NCOR1: variants seen among roughly 807,000 people sequenced by gnomAD.
NCOR1 encodes nuclear receptor corepressor 1.
Under a neutral mutation model 288.1 loss-of-function variants are expected in NCOR1, and 63 were observed. That is an observed-to-expected ratio of 0.22 (90% CI 0.18 to 0.27). The LOEUF (loss-of-function observed/expected upper bound fraction) is 0.27. Among genes scored for constraint, NCOR1 ranks in the 10% least tolerant of loss-of-function variants. NCOR1 has a pLI of 1.00. For missense variants in NCOR1, 2,397 were observed against 3,019.2 expected (o/e 0.79, Z 4.83); for synonymous variants, 1,007 against 1,065.9 (o/e 0.94, Z 1.08).
At position 16,117,803 on chromosome 17, in the gene NCOR1, T is replaced by C. The variant is rs144156504; in HGVS notation, c.2055+85A>G. The C allele has an allele frequency of 4.8e-5, 69 of 1,424,662 alleles. No individual in the cohort carries two copies. The Admixed American group carries it at 5.9e-4, about 12-fold the overall frequency. 88.3% of individuals were successfully genotyped at this position (1,424,662 alleles called of 1,614,324 possible). A position where few individuals can be genotyped will look rare whatever the true frequency, so the allele number is the denominator to read the frequency against. On this transcript the variant is annotated intron_variant, in intron 18 of 45. Transcript: ENST00000268712. Reference sequence around the variant, plus strand: ...CACTGCTGCACTCTAGCCTGGGTGATAGAGTGAGACTCCATCTCAAACAAC... The same window carrying C: ...CACTGCTGCACTCTAGCCTGGGTGACAGAGTGAGACTCCATCTCAAACAAC...
chr17:16,079,288 T>G (rs1432478853), intron 26 of NCOR1, among the ~76,000 whole-genome samples: 2 of 152,214 alleles, frequency 1.3e-5, no homozygotes, highest in Non-Finnish European at 2.9e-5. Context: ...TAGAGGATAG[T>G]AACTAGACAA....
intron 22 of NCOR1, chr17:16,091,655 A>G: frequency 7.2e-7 from 1 of 1,390,916 alleles, no homozygotes; most frequent in Non-Finnish European, 9.3e-7. Flanking sequence ...CTAGAATGCT[A>G]TTAAAAATGT....
intron 22 of NCOR1, 62 bp from the exon 23 acceptor site, chr17:16,086,504 C>T (rs2064253786): frequency 7.1e-7 from 1 of 1,399,022 alleles, no homozygotes; most frequent in East Asian, 2.3e-5. Context: ...AACATGTTAC[C>T]TCTCTCAGTC....
intron 10 of NCOR1, among the ~76,000 whole-genome samples, chr17:16,144,218 G>A (rs2077533533): frequency 6.6e-6 from 1 of 152,104 alleles, no homozygotes; most frequent in Admixed American, 6.6e-5. Flanking sequence ...TTCTTAATTG[G>A]CCATCAGCTG....
Position 16,150,054 on chromosome 17 carries a change from A to C in NCOR1, c.843-537T>G, listed in dbSNP as rs573614994. ...TGGAGGGCAATGTGTCAAAACAGGA[A>C]GATTTCTAATATATCTTAATCGCTT... On this transcript the variant is annotated intron_variant, in intron 8 of 45. Transcript: ENST00000268712. Among the ~76,000 whole-genome samples the C allele has an allele frequency of 3.3e-5, 5 of 152,268 alleles. No homozygotes were observed. In the East Asian group the frequency reaches 9.7e-4, roughly 29 times the overall value.
Position 16,061,680 on chromosome 17 carries a change from G to C in NCOR1, c.5602C>G (p.Gln1868Glu), listed in dbSNP as rs767137588. Residue 1868 changes from glutamine to glutamate, a missense_variant, in exon 37 of 46, where the codon CAG becomes GAG. Around this residue, in one of 11 missense-constraint regions of NCOR1, gnomAD observed 1,872 missense variants for 2,187.8 expected, o/e 0.86. Coordinates refer to ENST00000268712, the MANE Select transcript of NCOR1 (RefSeq NM_006311.4). ...AAVSEQQQLE[Q>E]KTLEVEKRSV... ...CTCTTCTCCACCTCCAGGGTTTTCT[G>C]CTCTAGCTGCTGCTGTTCACTAACT... is the stretch of plus-strand genomic sequence containing the variant. 1.9e-6 allele frequency: 3 copies of C among 1,614,204 alleles called. No individual in the cohort carries two copies. The highest frequency in any genetic ancestry group is 2.5e-6 in the Non-Finnish European group (3 of 1,180,036).
Position 16,101,424 on chromosome 17 carries a change from T to C in NCOR1, c.2516A>G (p.Asp839Gly). 1.2e-6 allele frequency: 2 copies of C among 1,614,238 alleles called. No individual in the cohort carries two copies. The highest frequency in any genetic ancestry group is 1.7e-6 in the Non-Finnish European group (2 of 1,180,056). The change falls in exon 20 of 46, where the codon GAT (aspartate) becomes GGT (glycine). Residue 839 changes from aspartate (D) to glycine (G), a missense_variant. Asp to Gly is a moderately conservative substitution (Grantham distance 94, BLOSUM62 -1). Transcript: ENST00000268712. ...ATCCAAGTCTCTTTCTTTGGTATTATCACCTTCAACTTTAGATGCATGGTT... is the reference window on the plus strand; with the variant it reads ...ATCCAAGTCTCTTTCTTTGGTATTACCACCTTCAACTTTAGATGCATGGTT... Reference protein sequence around the residue: ...PENHASKVEGDNTKERDLDRA... With the variant: ...PENHASKVEGGNTKERDLDRA...
chr17:16,064,895 C>A lies in NCOR1; in HGVS notation c.5076G>T (p.Pro1692=). Residue 1692 remains proline, a synonymous_variant, in exon 34 of 46, where the codon CCG becomes CCT. Transcript: ENST00000268712. ...PGTQITFPPR[P]YNSASMSPGH... ...CTGGAGACATGGAAGCAGAGTTGTA[C>A]GGCCTGGGAGGGAAAGTAATCTGTG... 1 of 1,611,916 alleles carries A rather than the reference C, an allele frequency of 6.2e-7. No homozygotes were observed. The highest frequency in any genetic ancestry group is 8.5e-7 in the Non-Finnish European group (1 of 1,178,632).
intron 6 of NCOR1, 100 bp from the exon 7 acceptor site, chr17:16,153,495 G>C: frequency 1.5e-6 from 1 of 672,452 alleles, no homozygotes; most frequent in Non-Finnish European, 2.4e-6. Flanking sequence ...ATCTATAGAT[G>C]AACTTATCCT....
At chr17:16,058,753 A>G (rs2060213967) in intron 37 of NCOR1, among the ~76,000 whole-genome samples, 154 bp from the exon 38 acceptor site, 1 of 152,104 alleles carries the variant, frequency 6.6e-6, no homozygotes, top group African/African-American at 2.4e-5. Context: ...ATGGGCTTTA[A>G]GACATGTTTT....
At chr17:16,180,929 TG>T (rs1342702991) in intron 3 of NCOR1, among the ~76,000 whole-genome samples, 2 of 151,888 alleles carry the variant, frequency 1.3e-5, no homozygotes, top group Non-Finnish European at 2.9e-5. Context: ...GAGGCTGAGG[TG>T]GGCGGATTAC....
At chr17:16,068,257 C>A in intron 31 of NCOR1, 136 bp from the exon 32 acceptor site, 1 of 704,006 alleles carries the variant, frequency 1.4e-6, no homozygotes, top group South Asian at 1.9e-5. Flanking sequence ...ATTTAACATT[C>A]AATATTGCAA....
chr17:16,079,362 A>T (rs181196974), intron 26 of NCOR1, among the ~76,000 whole-genome samples: 2 of 152,254 alleles, frequency 1.3e-5, no homozygotes, highest in African/African-American at 4.8e-5. Context: ...TCTGTTTACA[A>T]TGATTTCCCA....
chr17:16,074,486 G>A (rs1386094106), intron 27 of NCOR1, among the ~76,000 whole-genome samples: 1 of 152,164 alleles, frequency 6.6e-6, no homozygotes, highest in Non-Finnish European at 1.5e-5. Context: ...TATGGACAAC[G>A]TACATTATTA....
At chr17:16,129,238 G>C (rs2075234839) in intron 14 of NCOR1, among the ~76,000 whole-genome samples, 2 of 152,060 alleles carry the variant, frequency 1.3e-5, no homozygotes. Flanking sequence ...TTGCCTCCTA[G>C]ATCCTAAAAT....
At chr17:16,127,720 T>TGTATATATGTGTGTGTGTATAC (rs1568211284) in intron 14 of NCOR1, among the ~76,000 whole-genome samples, 7 of 138,532 alleles carry the variant, frequency 5.1e-5, no homozygotes, top group Non-Finnish European at 9.5e-5. Flanking sequence ...TGTGTATATA[T>TGTATATATGTGTGTGTGTATAC]ACATATATGT....
intron 1 of NCOR1, among the ~76,000 whole-genome samples, chr17:16,200,666 A>G (rs922749108): frequency 6.6e-6 from 1 of 152,200 alleles, no homozygotes; most frequent in African/African-American, 2.4e-5. Flanking sequence ...TTTTTACGTG[A>G]TAAAATAATA....
chr17:16,151,225 T>A (rs1044061093), intron 8 of NCOR1, among the ~76,000 whole-genome samples: 2 of 151,890 alleles, frequency 1.3e-5, no homozygotes, highest in African/African-American at 2.4e-5. Context: ...AAAAGATATC[T>A]ATCTAGCTTC....
rs112840784 is a variant in NCOR1 at position 16,032,260 on chromosome 17, C to T, written c.*36G>A. On this transcript the variant is annotated 3_prime_UTR_variant, in exon 46 of 46. Coordinates refer to ENST00000268712, the MANE Select transcript of NCOR1 (RefSeq NM_006311.4). ...AATTAAACCACAAAAACTAGAGATCCCTCTCCTGCACCCTGTTCCCCTCAC... is the reference window on the plus strand; with the variant it reads ...AATTAAACCACAAAAACTAGAGATCTCTCTCCTGCACCCTGTTCCCCTCAC... The T allele has an allele frequency of 1.8e-3, 2,736 of 1,536,506 alleles. 47 individuals are homozygous for T. The African/African-American group carries it at 0.033, about 18-fold the overall frequency.
Sources: gnomAD v4.1 joint callset for allele counts (sites outside exome capture counted in the v4.1 genomes callset) on GRCh38, gnomAD v4.1.1 for gene constraint, gnomAD v4.1.1 regional missense constraint, MANE v1.5 for transcripts, NCBI Gene and HGNC (gene_info 2026-07-23, HGNC 2026-07-21) for gene names.